Variants in NEDD9 observed in about 807,000 individuals in gnomAD.
The protein encoded by NEDD9 is enhancer of filamentation 1.
NEDD9 carries 26 observed loss-of-function variants against 76.6 expected under a neutral mutation model. The observed-to-expected ratio is 0.34, with a 90% CI of 0.25 to 0.47. NEDD9 has a LOEUF of 0.47. Ranked by LOEUF, NEDD9 falls within the 20% of genes least tolerant of loss-of-function variation. The pLI is 1.00. For synonymous variants in NEDD9, 392 were observed against 414.2 expected (o/e 0.95, Z 0.65); for missense variants, 937 against 1,058.5 (o/e 0.89, Z 1.59).
chr6:11,365,098 C>A (rs564920055), intron 1 of NEDD9, among the ~76,000 whole-genome samples: 2 of 152,140 alleles, frequency 1.3e-5, no homozygotes, highest in African/African-American at 4.8e-5. Flanking sequence ...TTCTGCCACT[C>A]ACCCCCCAGA....
intron 1 of NEDD9, among the ~76,000 whole-genome samples, chr6:11,335,177 A>G (rs1266563423): frequency 6.6e-6 from 1 of 152,250 alleles, no homozygotes; most frequent in Non-Finnish European, 1.5e-5. Context: ...CCACACAACA[A>G]CAATGAACCA....
At chr6:11,247,430 TG>T (rs1759833332) in intron 3 of NEDD9, among the ~76,000 whole-genome samples, 1 of 152,250 alleles carries the variant, frequency 6.6e-6, no homozygotes, top group South Asian at 2.1e-4. Flanking sequence ...GATAGAAATT[TG>T]TTTTTATTGG....
intron 6 of NEDD9, among the ~76,000 whole-genome samples, chr6:11,186,025 A>T (rs943998168): frequency 6.6e-6 from 1 of 152,190 alleles, no homozygotes; most frequent in Middle Eastern, 3.2e-3. Flanking sequence ...AGTAGGCTCT[A>T]TGTAAATGTT....
intron 3 of NEDD9, among the ~76,000 whole-genome samples, chr6:11,273,312 G>C (rs557825998): frequency 6.6e-6 from 1 of 152,254 alleles, no homozygotes; most frequent in East Asian, 1.9e-4. Context: ...TATCCAAGTT[G>C]AGATTAAAAA....
intron 3 of NEDD9, among the ~76,000 whole-genome samples, chr6:11,249,935 G>A (rs1997662): frequency 0.31 from 47,236 of 152,018 alleles, 7,772 homozygotes; most frequent in East Asian, 0.55. Flanking sequence ...TGGTCAAGGG[G>A]CCCAGAGATT....
intron 3 of NEDD9, among the ~76,000 whole-genome samples, chr6:11,255,986 G>A (rs956241165): frequency 2.0e-4 from 30 of 152,080 alleles, no homozygotes; most frequent in African/African-American, 7.2e-4. Context: ...AGGAATACAG[G>A]AGTAACACCA....
At chr6:11,369,124 T>A (rs1762816363) in intron 1 of NEDD9, among the ~76,000 whole-genome samples, 1 of 152,230 alleles carries the variant, frequency 6.6e-6, no homozygotes, top group Admixed American at 6.5e-5. Context: ...TCTTAAGCAC[T>A]CCAACCTTCT....
At chr6:11,285,490 C>T (rs1760628664) in intron 3 of NEDD9, among the ~76,000 whole-genome samples, 3 of 151,946 alleles carry the variant, frequency 2.0e-5, no homozygotes, top group Non-Finnish European at 4.4e-5. Context: ...ATGAACAAAT[C>T]GATTCTGAAC....
upstream of NEDD9, among the ~76,000 whole-genome samples, chr6:11,232,842 A>T (rs190264800): frequency 2.0e-3 from 311 of 152,342 alleles, no homozygotes; most frequent in Middle Eastern, 3.4e-3. Context: ...GGTGGAAAAT[A>T]AAACAGAAAG....
At chr6:11,215,952 T>C (rs1758942065) in intron 1 of NEDD9, among the ~76,000 whole-genome samples, 1 of 152,244 alleles carries the variant, frequency 6.6e-6, no homozygotes, top group Non-Finnish European at 1.5e-5. Flanking sequence ...CGGAGCATGC[T>C]TGATCAGAGG....
intron 1 of NEDD9, among the ~76,000 whole-genome samples, chr6:11,366,898 AAT>A (rs1391413658): frequency 6.6e-6 from 1 of 152,250 alleles, no homozygotes; most frequent in African/African-American, 2.4e-5. Flanking sequence ...AAAGTGAAAT[AAT>A]ATGAGTCAAT....
intron 3 of NEDD9, among the ~76,000 whole-genome samples, chr6:11,295,691 T>C (rs57614751): frequency 0.038 from 5,750 of 152,270 alleles, 222 homozygotes; most frequent in African/African-American, 0.096. Context: ...TTGGAGGGCC[T>C]CTGTGACTTG....
chr6:11,327,125 C>T (rs1351324601), intron 2 of NEDD9, among the ~76,000 whole-genome samples: 2 of 152,180 alleles, frequency 1.3e-5, no homozygotes, highest in African/African-American at 2.4e-5. Context: ...GTGGCATGGC[C>T]ACCATAGTTC....
At chr6:11,301,836 C>A (rs115047922) in intron 3 of NEDD9, among the ~76,000 whole-genome samples, 1 of 152,088 alleles carries the variant, frequency 6.6e-6, no homozygotes, top group East Asian at 1.9e-4. Flanking sequence ...AGATGCAACA[C>A]ACCAGAATCT....
intron 1 of NEDD9, among the ~76,000 whole-genome samples, chr6:11,379,752 G>A (rs1253655810): frequency 1.3e-5 from 2 of 152,060 alleles, no homozygotes; most frequent in African/African-American, 4.8e-5. Context: ...TTAATTTGTA[G>A]CTAGCTACCA....
chr6:11,252,304 G>A lies in NEDD9; in HGVS notation c.13-38577C>T, dbSNP rs1581984132. Among the ~76,000 whole-genome samples the A allele has an allele frequency of 2.0e-5, 3 of 152,126 alleles. No homozygotes were observed. The highest frequency in any genetic ancestry group is 7.2e-5 in the African/African-American group (3 of 41,420). On this transcript the variant is annotated intron_variant, in intron 3 of 3. Coordinates refer to the NEDD9 transcript ENST00000397378. The surrounding 1 kb of genome is among the most constrained non-coding windows in gnomAD (Gnocchi z 4.3). The stretch of plus-strand genomic sequence containing the variant: ...GAGAATACAGATGAACATAAAAATT[G>A]AGAAGAGTTATTGGAGGGTCTAAGA...
chr6:11,303,167 G>A (rs368368892), intron 3 of NEDD9, among the ~76,000 whole-genome samples: 3 of 152,206 alleles, frequency 2.0e-5, no homozygotes, highest in African/African-American at 7.2e-5. Context: ...CTTCAGCAAA[G>A]TTTCAGGATA....
chr6:11,377,613 G>C (rs911243257), intron 1 of NEDD9, among the ~76,000 whole-genome samples: 1 of 152,338 alleles, frequency 6.6e-6, no homozygotes, highest in East Asian at 1.9e-4. Flanking sequence ...TAACTAACTT[G>C]TTTTGACTTT....
chr6:11,221,456 C>G (rs979305072), intron 1 of NEDD9, among the ~76,000 whole-genome samples: 1 of 151,626 alleles, frequency 6.6e-6, no homozygotes, highest in Non-Finnish European at 1.5e-5. Flanking sequence ...GGTATTAGAA[C>G]CAGAAGTCAC....
Sources: gnomAD v4.1 joint callset for allele counts (sites outside exome capture counted in the v4.1 genomes callset) on GRCh38, gnomAD v4.1.1 for gene constraint, Gnocchi (gnomAD v3.1) non-coding constraint, MANE v1.5 for transcripts, NCBI Gene and HGNC (gene_info 2026-07-23, HGNC 2026-07-21) for gene names.